Variants in TUBGCP5 observed in about 807,000 individuals in gnomAD.
TUBGCP5 encodes the protein tubulin gamma complex component 5, also known as gamma-tubulin complex component 5.
TUBGCP5 carries 98 observed loss-of-function variants against 134.7 expected under a neutral mutation model. The observed-to-expected ratio is 0.73, with a 90% CI of 0.62 to 0.86. TUBGCP5 has a LOEUF of 0.86. TUBGCP5 is among the 40% of genes least tolerant of loss of function. The pLI, the probability that TUBGCP5 is intolerant of heterozygous loss-of-function variation, is 0.00. For synonymous variants in TUBGCP5, 456 were observed against 431.4 expected, an observed-to-expected ratio of 1.06 and a Z score of -0.71; for missense variants, 1,150 against 1,244.8, an observed-to-expected ratio of 0.92 and a Z score of 1.15.
At chr15:23,038,143 G>T (rs938869064) in intron 1 of TUBGCP5, among the ~76,000 whole-genome samples, 8 of 152,018 alleles carry the variant, frequency 5.3e-5, no homozygotes, top group African/African-American at 1.9e-4. Context: ...CACAGCCTAT[G>T]CAACTAATGT....
At chr15:23,034,808 C>T (rs2066489349) in intron 3 of TUBGCP5, among the ~76,000 whole-genome samples, 1 of 151,906 alleles carries the variant, frequency 6.6e-6, no homozygotes, top group Non-Finnish European at 1.5e-5. Flanking sequence ...GCCTGGGCAA[C>T]AGAGCAAGAT....
At chr15:22,987,605 C>T (rs1313686693) in intron 23 of TUBGCP5, among the ~76,000 whole-genome samples, 1 of 151,444 alleles carries the variant, frequency 6.6e-6, no homozygotes, top group Non-Finnish European at 1.5e-5. Context: ...ATAAAAGACA[C>T]CCCAGAGGGG....
At chr15:23,027,438 T>A in intron 6 of TUBGCP5, 132 bp from the exon 7 acceptor site, 3 of 642,308 alleles carry the variant, frequency 4.7e-6, no homozygotes, top group Non-Finnish European at 8.1e-6. Flanking sequence ...CTAACATTTA[T>A]GTATATATGA....
At chr15:23,000,499 A>G (rs959034235) in intron 22 of TUBGCP5, 70 bp downstream of exon 22, 2 of 1,567,518 alleles carry the variant, frequency 1.3e-6, no homozygotes, top group African/African-American at 2.7e-5. Context: ...GATCAGTAAC[A>G]AAACAATGAC....
downstream of TUBGCP5, among the ~76,000 whole-genome samples, chr15:22,996,206 C>T (rs2064071241): frequency 6.6e-6 from 1 of 152,208 alleles, no homozygotes; most frequent in Non-Finnish European, 1.5e-5. Flanking sequence ...AGTGCTTGTA[C>T]CATCTTGTAA....
At chr15:23,010,210 C>G in intron 14 of TUBGCP5, 77 bp from the exon 15 acceptor site, 4 of 1,426,888 alleles carry the variant, frequency 2.8e-6, no homozygotes, top group Non-Finnish European at 3.8e-6. Context: ...CCCTGAAGTT[C>G]CATTTTTACC....
In TUBGCP5 at chr15:23,011,222, C is replaced by T. The variant is rs2065012868; in HGVS notation, c.1866G>A (p.Lys622=). ...PQVLTEQQAT[K]ENLMKMQSIA... ...TGGACTGCATCTTCATCAGGTTCTC[C>T]TTGGTTGCCTGTTGCTCAGTAAGAA... The change falls in exon 14 of 23, where the codon AAG becomes AAA. Residue 622 remains lysine (K), a synonymous_variant. Transcript: ENST00000615383. The T allele has an allele frequency of 6.2e-7, 1 of 1,613,786 alleles. No individual in the cohort carries two copies. The highest frequency in any genetic ancestry group is 8.5e-7 in the Non-Finnish European group (1 of 1,179,984).
intron 1 of TUBGCP5, among the ~76,000 whole-genome samples, chr15:23,038,178 A>C (rs1354988031): frequency 6.6e-6 from 1 of 152,214 alleles, no homozygotes; most frequent in Non-Finnish European, 1.5e-5. Flanking sequence ...TAGCCTATGC[A>C]AAAAATGTTT....
intron 14 of TUBGCP5, 116 bp from the exon 15 acceptor site, chr15:23,010,249 G>T: frequency 8.6e-7 from 1 of 1,156,416 alleles, no homozygotes; most frequent in South Asian, 1.6e-5. Flanking sequence ...AACTATTACA[G>T]AAAGAGAAAA....
chr15:23,032,828 TA>T lies in TUBGCP5; in HGVS notation c.310-5del. ...GTATGGAATAATGTGCATCTGTCTT[TA>T]AAACAAAAAAAAGAACATAAATCTC... On this transcript the variant is annotated splice_region_variant and splice_polypyrimidine_tract_variant and intron_variant, in intron 3 of 22. Coordinates refer to ENST00000615383, the MANE Select transcript of TUBGCP5 (RefSeq NM_052903.6). 6.4e-7 allele frequency: 1 copy of T among 1,550,598 alleles called. No homozygotes were observed. The highest frequency in any genetic ancestry group is 1.4e-5 in the African/African-American group (1 of 72,116).
intron 2 of TUBGCP5, 38 bp downstream of exon 2, chr15:23,037,061 A>G: frequency 6.2e-7 from 1 of 1,601,950 alleles, no homozygotes; most frequent in East Asian, 2.2e-5. Context: ...AAGAAAATAC[A>G]TATATTTCTG....
chr15:23,021,442 A>G (rs1420082480), intron 11 of TUBGCP5, among the ~76,000 whole-genome samples: 1 of 152,138 alleles, frequency 6.6e-6, no homozygotes, highest in Non-Finnish European at 1.5e-5. Flanking sequence ...TCGGCCTCCC[A>G]AAGTGTTGGG....
At chr15:23,019,929 G>A (rs1255548442) in intron 11 of TUBGCP5, among the ~76,000 whole-genome samples, 2 of 152,104 alleles carry the variant, frequency 1.3e-5, no homozygotes, top group South Asian at 4.2e-4. Flanking sequence ...GATAGCCCAG[G>A]CAAGCGAACA....
intron 13 of TUBGCP5, among the ~76,000 whole-genome samples, chr15:23,012,479 T>C (rs1465895874): frequency 6.6e-6 from 1 of 152,110 alleles, no homozygotes; most frequent in Non-Finnish European, 1.5e-5. Context: ...TGATCTCGGC[T>C]CACTGCAATC....
chr15:23,029,893 T>TGG (rs145736959), intron 6 of TUBGCP5, among the ~76,000 whole-genome samples: 1 of 140,202 alleles, frequency 7.1e-6, no homozygotes. Context: ...AAAAAGGGGG[T>TGG]GGGGGGGAAG....
At chr15:23,026,282 AT>A in intron 7 of TUBGCP5, 77 bp from the exon 8 acceptor site, 1 of 1,290,552 alleles carries the variant, frequency 7.7e-7, no homozygotes, top group Non-Finnish European at 1.1e-6. Flanking sequence ...AATATCTGCA[AT>A]TTAGTGCTAA....
chr15:23,000,212 C>A, intron 22 of TUBGCP5: 1 of 1,142,534 alleles, frequency 8.8e-7, no homozygotes, highest in East Asian at 3.9e-5. Context: ...AGGCCAGGAG[C>A]TTTAAATTCC....
chr15:23,021,447 G>A (rs1010684156), intron 11 of TUBGCP5, among the ~76,000 whole-genome samples: 1 of 152,116 alleles, frequency 6.6e-6, no homozygotes, highest in Non-Finnish European at 1.5e-5. Context: ...CTCCCAAAGT[G>A]TTGGGATTAC....
intron 15 of TUBGCP5, among the ~76,000 whole-genome samples, chr15:23,009,215 A>G (rs1555436303): frequency 6.6e-6 from 1 of 151,746 alleles, no homozygotes; most frequent in African/African-American, 2.4e-5. Context: ...CTTCTCTTCT[A>G]TGTGTTAAGA....
Sources: gnomAD v4.1 joint callset for allele counts (sites outside exome capture counted in the v4.1 genomes callset) on GRCh38, gnomAD v4.1.1 for gene constraint, MANE v1.5 for transcripts, NCBI Gene and HGNC (gene_info 2026-07-23, HGNC 2026-07-21) for gene names.